ADAMTS12: variants seen among roughly 807,000 people sequenced by gnomAD.
The protein encoded by ADAMTS12 is ADAM metallopeptidase with thrombospondin type 1 motif 12.
In ADAMTS12, 118 loss-of-function variants were observed where a neutral mutation model predicts 167.8. The ratio of observed to expected loss-of-function variants is 0.70; its 90% CI spans 0.61 to 0.82. The LOEUF (loss-of-function observed/expected upper bound fraction) is 0.82, where lower values mean the gene tolerates loss of function less well. Among genes scored for constraint, ADAMTS12 ranks in the 40% least tolerant of loss-of-function variants. The probability of loss-of-function intolerance (pLI) is 0.00; values close to 1 mark genes in which losing one functional copy is unlikely to be tolerated. For synonymous variants in ADAMTS12, 704 were observed against 716.9 expected, an observed-to-expected ratio of 0.98 and a Z score of 0.29; for missense variants, 1,916 against 1,998.8, an observed-to-expected ratio of 0.96 and a Z score of 0.79.
At chr5:33,718,869 T>G (rs570311400) in intron 3 of ADAMTS12, among the ~76,000 whole-genome samples, 24 of 152,296 alleles carry the variant, frequency 1.6e-4, no homozygotes, top group African/African-American at 5.5e-4. Flanking sequence ...GGTACTTGGT[T>G]TATGATTGGC....
intron 5 of ADAMTS12, among the ~76,000 whole-genome samples, chr5:33,681,394 G>T (rs888844240): frequency 6.6e-6 from 1 of 152,184 alleles, no homozygotes; most frequent in African/African-American, 2.4e-5. Context: ...TATCCTAGCT[G>T]CTGGTTAAGC....
At chr5:33,724,212 C>A (rs1403090618) in intron 3 of ADAMTS12, among the ~76,000 whole-genome samples, 1 of 152,168 alleles carries the variant, frequency 6.6e-6, no homozygotes, top group African/African-American at 2.4e-5. Context: ...AAACATAAAG[C>A]CCTTACTTTA....
chr5:33,837,694 C>T (rs555781686), intron 2 of ADAMTS12, among the ~76,000 whole-genome samples: 28 of 152,220 alleles, frequency 1.8e-4, no homozygotes, highest in African/African-American at 6.5e-4. Flanking sequence ...AAGCTTAAGA[C>T]GATATGTGGA....
In ADAMTS12 at chr5:33,572,021, A is replaced by G. The variant is rs1347665400; in HGVS notation, c.3972+4033T>C. Among the ~76,000 whole-genome samples, 8 of 152,334 alleles carry G rather than the reference A, an allele frequency of 5.3e-5. No individual in the cohort carries two copies. The East Asian group carries it at 1.5e-3, about 29-fold the overall frequency. On this transcript the variant is annotated intron_variant, in intron 19 of 23. Transcript: ENST00000504830. ...AGAAGAAATGGATAAATTCCTCGAC[A>G]CATACACTCTCCCAAGACTAAACCA... is the stretch of plus-strand genomic sequence containing the variant.
intron 23 of ADAMTS12, among the ~76,000 whole-genome samples, chr5:33,531,647 A>G (rs1744107577): frequency 6.6e-6 from 1 of 152,190 alleles, no homozygotes; most frequent in Non-Finnish European, 1.5e-5. Flanking sequence ...AGATCACATG[A>G]ATAGGTCTTC....
At chr5:33,529,995 C>T (rs534164432) in intron 23 of ADAMTS12, among the ~76,000 whole-genome samples, 73 of 152,322 alleles carry the variant, frequency 4.8e-4, no homozygotes, top group African/African-American at 1.6e-3. Flanking sequence ...TCTCGGCTCA[C>T]TGCAACCTCT....
chr5:33,678,628 G>C (rs1327570766), intron 5 of ADAMTS12, among the ~76,000 whole-genome samples: 1 of 152,152 alleles, frequency 6.6e-6, no homozygotes, highest in African/African-American at 2.4e-5. Flanking sequence ...GGCAGGCCTT[G>C]AAAAAGCCTG....
At chr5:33,734,555 A>G (rs1331704149) in intron 3 of ADAMTS12, among the ~76,000 whole-genome samples, 1 of 152,214 alleles carries the variant, frequency 6.6e-6, no homozygotes, top group East Asian at 1.9e-4. Context: ...TTACTGTGCT[A>G]AACATAATAT....
At chr5:33,653,169 T>C (rs1740929884) in intron 7 of ADAMTS12, among the ~76,000 whole-genome samples, 1 of 152,132 alleles carries the variant, frequency 6.6e-6, no homozygotes, top group Non-Finnish European at 1.5e-5. Context: ...TTTTTGAAGA[T>C]GTTCTTTATC....
At chr5:33,535,574 G>T (rs534066650) in intron 22 of ADAMTS12, among the ~76,000 whole-genome samples, 2 of 152,314 alleles carry the variant, frequency 1.3e-5, no homozygotes, top group Non-Finnish European at 2.9e-5. Context: ...GGGAGGCATT[G>T]CCCATGGGGT....
rs1053151024 is a variant in ADAMTS12, at chr5:33,523,991, G to A, written c.*3197C>T. 5 of 152,306 alleles carry A rather than the reference G, an allele frequency of 3.3e-5. No individual in the cohort carries two copies. The highest frequency in any genetic ancestry group is 2.6e-4 in the Admixed American group (4 of 15,302). The allele number at this position is 152,306 out of a possible 1,614,324, so 9.4% of individuals were successfully genotyped here. On this transcript the variant is annotated 3_prime_UTR_variant, in exon 24 of 24. Transcript: ENST00000504830. ...GGAGTAGCAGTGTGCAGCTTTCAGA[G>A]TTTGGAAGATTTTAGTCAACTAAAT... is the stretch of plus-strand genomic sequence containing the variant.
intron 9 of ADAMTS12, among the ~76,000 whole-genome samples, chr5:33,646,517 T>C (rs769277428): frequency 2.0e-5 from 3 of 152,168 alleles, no homozygotes; most frequent in Non-Finnish European, 2.9e-5. Flanking sequence ...CAAATGTTAC[T>C]CCTGAGAGTT....
At chr5:33,768,059 T>A (rs1180294285) in intron 2 of ADAMTS12, among the ~76,000 whole-genome samples, 1 of 151,910 alleles carries the variant, frequency 6.6e-6, no homozygotes, top group Non-Finnish European at 1.5e-5. Context: ...TTAAAGCTGT[T>A]AAAAAAAATG....
intron 9 of ADAMTS12, 150 bp from the exon 10 acceptor site, chr5:33,643,620 T>G: frequency 1.4e-6 from 1 of 697,162 alleles, no homozygotes; most frequent in Non-Finnish European, 2.5e-6. Context: ...ATCATTAGAG[T>G]TTTCAGTTCA....
intron 6 of ADAMTS12, 96 bp from the exon 7 acceptor site, chr5:33,658,429 T>G: frequency 4.2e-6 from 6 of 1,420,580 alleles, no homozygotes; most frequent in Non-Finnish European, 5.8e-6. Context: ...TTCAATATGG[T>G]CTGTAAAGTA....
intron 16 of ADAMTS12, among the ~76,000 whole-genome samples, chr5:33,600,183 A>G (rs977617954): frequency 1.3e-5 from 2 of 152,244 alleles, no homozygotes; most frequent in Non-Finnish European, 1.5e-5. Flanking sequence ...TCAAAATGTT[A>G]TTTCCAGATG....
At chr5:33,832,295 A>G (rs1748331373) in intron 2 of ADAMTS12, among the ~76,000 whole-genome samples, 1 of 152,206 alleles carries the variant, frequency 6.6e-6, no homozygotes, top group Non-Finnish European at 1.5e-5. Flanking sequence ...GAAGTCCACA[A>G]GCTTACTATG....
At chr5:33,711,501 G>T (rs1743402968) in intron 3 of ADAMTS12, among the ~76,000 whole-genome samples, 1 of 152,086 alleles carries the variant, frequency 6.6e-6, no homozygotes, top group African/African-American at 2.4e-5. Context: ...CACCCCAGGG[G>T]ACACACAGCA....
At chr5:33,710,063 T>C (rs1374823360) in intron 3 of ADAMTS12, among the ~76,000 whole-genome samples, 1 of 152,142 alleles carries the variant, frequency 6.6e-6, no homozygotes, top group Admixed American at 6.6e-5. Flanking sequence ...AGGTTTAAAA[T>C]TGTGTGTCTT....
Sources: gnomAD v4.1 joint callset for allele counts (sites outside exome capture counted in the v4.1 genomes callset) on GRCh38, gnomAD v4.1.1 for gene constraint, MANE v1.5 for transcripts, NCBI Gene and HGNC (gene_info 2026-07-23, HGNC 2026-07-21) for gene names.